Variants in PDE8B observed in about 807,000 individuals in gnomAD.
The protein encoded by PDE8B is high affinity cAMP-specific and IBMX-insensitive 3',5'-cyclic phosphodiesterase 8B.
PDE8B carries 26 observed loss-of-function variants against 101.3 expected under a neutral mutation model. The ratio of observed to expected loss-of-function variants is 0.26; its 90% CI spans 0.19 to 0.36. The LOEUF is 0.36. Among genes scored for constraint, PDE8B ranks in the 10% least tolerant of loss-of-function variants. The pLI, the probability that PDE8B is intolerant of heterozygous loss-of-function variation, is 1.00. For missense variants in PDE8B, 810 were observed against 1,163.1 expected, an observed-to-expected ratio of 0.70 and a Z score of 4.42; for synonymous variants, 424 against 429.3, an observed-to-expected ratio of 0.99 and a Z score of 0.15.
the PDE8B span, among the ~76,000 whole-genome samples, chr5:77,110,697 C>T: frequency 6.6e-6 from 1 of 152,208 alleles, no homozygotes; most frequent in Non-Finnish European, 1.5e-5. Context: ...CAACCACAGA[C>T]TGCGATGAAG....
At chr5:77,230,729 G>A (rs1317804460) in intron 1 of PDE8B, among the ~76,000 whole-genome samples, 3 of 152,178 alleles carry the variant, frequency 2.0e-5, no homozygotes, top group Admixed American at 2.0e-4. Context: ...ACAGGCATGA[G>A]CCACCAGACC....
chr5:77,197,284 ATT>A, the PDE8B span, among the ~76,000 whole-genome samples: 15,979 of 147,000 alleles, frequency 0.11, 2,106 homozygotes, highest in African/African-American at 0.31. Flanking sequence ...GCTAATTTAA[ATT>A]TTTTTTTTTT....
intron 6 of PDE8B, among the ~76,000 whole-genome samples, chr5:77,340,493 C>T (rs1221965124): frequency 6.6e-6 from 1 of 152,128 alleles, no homozygotes; most frequent in African/African-American, 2.4e-5. Context: ...CCACTCCCTG[C>T]TCCCAACTCA....
intron 20 of PDE8B, among the ~76,000 whole-genome samples, chr5:77,424,823 T>TG (rs925452630): frequency 3.7e-5 from 4 of 109,088 alleles, no homozygotes; most frequent in African/African-American, 9.7e-5. Context: ...TTTTTTGTTT[T>TG]TTGTTTTTTG....
chr5:77,178,762 T>G, the PDE8B span, among the ~76,000 whole-genome samples: 1 of 152,304 alleles, frequency 6.6e-6, no homozygotes, highest in South Asian at 2.1e-4. Flanking sequence ...GGGCTGCAGT[T>G]GCATCTCAAG....
At chr5:77,371,420 G>A (rs573603132) in intron 10 of PDE8B, among the ~76,000 whole-genome samples, 5 of 152,270 alleles carry the variant, frequency 3.3e-5, no homozygotes, top group Admixed American at 1.3e-4. Context: ...AAATGAGTAT[G>A]TAATATTGAT....
the PDE8B span, among the ~76,000 whole-genome samples, chr5:77,094,871 CAGGT>C: frequency 2.6e-5 from 4 of 152,176 alleles, no homozygotes; most frequent in African/African-American, 9.6e-5. Flanking sequence ...TCATACCCCC[CAGGT>C]AGGGCTTTAA....
the PDE8B span, among the ~76,000 whole-genome samples, chr5:77,102,163 T>C: frequency 6.6e-6 from 1 of 152,208 alleles, no homozygotes; most frequent in Non-Finnish European, 1.5e-5. Flanking sequence ...AAATGTCCAG[T>C]TGGATGGCCG....
chr5:77,148,053 A>G, the PDE8B span: 1 of 152,174 alleles, frequency 6.6e-6, no homozygotes, highest in Non-Finnish European at 1.5e-5. Flanking sequence ...CAGGTCAGCA[A>G]CAATGTGTAT....
intron 11 of PDE8B, 39 bp from the exon 12 acceptor site, chr5:77,404,681 A>C: frequency 8.3e-7 from 1 of 1,200,158 alleles, no homozygotes; most frequent in Non-Finnish European, 1.2e-6. Flanking sequence ...GAATACACGG[A>C]AAACTAATCA....
intron 2 of PDE8B, among the ~76,000 whole-genome samples, chr5:77,318,852 T>C (rs1369944426): frequency 6.6e-6 from 1 of 152,230 alleles, no homozygotes; most frequent in Non-Finnish European, 1.5e-5. Flanking sequence ...AAAAACTGGA[T>C]GTTTAATGGT....
chr5:77,250,788 C>T (rs551373398), intron 1 of PDE8B, among the ~76,000 whole-genome samples: 6 of 152,290 alleles, frequency 3.9e-5, no homozygotes, highest in South Asian at 4.1e-4. Context: ...AAGAACAAGA[C>T]ATGTTTCCTG....
At chr5:77,114,428 G>T in the PDE8B span, 3 of 152,052 alleles carry the variant, frequency 2.0e-5, no homozygotes, top group Non-Finnish European at 1.5e-5. Context: ...ACCAAACACC[G>T]CATGTTCTCA....
chr5:77,272,269 G>A (rs1209134309), intron 1 of PDE8B, among the ~76,000 whole-genome samples: 1 of 152,164 alleles, frequency 6.6e-6, no homozygotes, highest in Non-Finnish European at 1.5e-5. Flanking sequence ...TGGCTAAACT[G>A]GTAATGACTT....
chr5:77,305,299 G>C (rs1286815684), intron 1 of PDE8B, among the ~76,000 whole-genome samples: 1 of 152,208 alleles, frequency 6.6e-6, no homozygotes, highest in African/African-American at 2.4e-5. Context: ...CAGAGGATTG[G>C]AAGCAGGAAG....
chr5:77,360,136 T>A (rs1782833531), intron 10 of PDE8B, among the ~76,000 whole-genome samples: 1 of 151,726 alleles, frequency 6.6e-6, no homozygotes, highest in Admixed American at 6.6e-5. Flanking sequence ...TGGTAATGGA[T>A]AATGAACAGA....
chr5:77,399,401 G>A (rs1561652499), intron 10 of PDE8B, among the ~76,000 whole-genome samples: 1 of 152,226 alleles, frequency 6.6e-6, no homozygotes, highest in Admixed American at 6.5e-5. Context: ...ATCTGCCTCT[G>A]CAGATGTCCT....
At chr5:77,096,667 A>G in the PDE8B span, among the ~76,000 whole-genome samples, 8 of 152,206 alleles carry the variant, frequency 5.3e-5, no homozygotes, top group African/African-American at 1.9e-4. Context: ...ATGTTTCAAC[A>G]TGAGTTTTGG....
At chr5:77,296,912 T>C (rs1210765664) in intron 1 of PDE8B, among the ~76,000 whole-genome samples, 1 of 152,182 alleles carries the variant, frequency 6.6e-6, no homozygotes, top group Non-Finnish European at 1.5e-5. Context: ...CTGTCTTTGG[T>C]CTTCTGCTGT....
Sources: gnomAD v4.1 joint callset for allele counts (sites outside exome capture counted in the v4.1 genomes callset) on GRCh38, gnomAD v4.1.1 for gene constraint, MANE v1.5 for transcripts, NCBI Gene and HGNC (gene_info 2026-07-23, HGNC 2026-07-21) for gene names.